PAX7: variants seen among roughly 807,000 people sequenced by gnomAD.
PAX7 encodes the protein paired box 7.
Under a neutral mutation model 50.7 loss-of-function variants are expected in PAX7, and 18 were observed. That is an observed-to-expected ratio of 0.36 (90% CI 0.25 to 0.53). The LOEUF (loss-of-function observed/expected upper bound fraction) is 0.53, where lower values mean the gene tolerates loss of function less well. PAX7 is among the 20% of genes least tolerant of loss of function. The pLI is 0.93. For synonymous variants in PAX7, 310 were observed against 290.4 expected, an observed-to-expected ratio of 1.07 and a Z score of -0.69; for missense variants, 644 against 702.9, an observed-to-expected ratio of 0.92 and a Z score of 0.95.
rs1557566062 is a variant in PAX7, at chr1:18,747,241, GA to G, written c.*2313del. ...CAAAACCACCCAGCCCCATCCCCAG[GA>G]GGCGACATTCCAATGCTAGGACCAA... On this transcript the variant is annotated 3_prime_UTR_variant, in exon 9 of 9. Transcript: ENST00000420770. 4.3e-6 allele frequency: 1 copy of G among 230,508 alleles called. No homozygotes were observed. Among genetic ancestry groups the G allele is most frequent in the African/African-American group, 2.2e-5 (1 of 45,128 alleles). The allele number at this position is 230,508 out of a possible 1,614,324, so 14.3% of individuals were successfully genotyped here.
chr1:18,638,807 C>T (rs922284074), intron 4 of PAX7, among the ~76,000 whole-genome samples: 6 of 152,184 alleles, frequency 3.9e-5, no homozygotes, highest in Admixed American at 2.0e-4. Flanking sequence ...CTGGGCTGGT[C>T]GGCAGGCACC....
rs202083005 is a variant in PAX7, at chr1:18,631,564, A to G, written c.-40A>G. The G allele has an allele frequency of 2.9e-4, 457 of 1,578,628 alleles. 1 individual carries two copies. In the African/African-American group the frequency reaches 5.6e-3, roughly 19 times the overall value. On this transcript the variant is annotated 5_prime_UTR_variant, in exon 1 of 9. Transcript: ENST00000420770. The stretch of plus-strand genomic sequence containing the variant: ...GGGTGAAGGGAGCGGACGGGAAGCG[A>G]TTTTTGCCGACTTTGGATTCGTCCC...
rs776754356 is a variant in PAX7 at position 18,691,909 on chromosome 1, G to A, written c.742G>A (p.Glu248Lys). The A allele has an allele frequency of 1.2e-6, 2 of 1,613,888 alleles. No homozygotes were observed. Among genetic ancestry groups the A allele is most frequent in the Non-Finnish European group, 1.7e-6 (2 of 1,180,008 alleles). The change falls in exon 5 of 9, where the codon GAG becomes AAG. Residue 248 changes from glutamate to lysine, a missense_variant. By Grantham distance (56) the Glu-to-Lys change is moderately conservative (BLOSUM62 1). Coordinates refer to ENST00000420770, the MANE Select transcript of PAX7 (RefSeq NM_001135254.2). ...RTHYPDIYTR[E>K]ELAQRTKLTE... The stretch of plus-strand genomic sequence containing the variant: ...CCACTACCCAGACATATACACCCGC[G>A]AGGAGCTGGCGCAGAGGACCAAGCT...
intron 7 of PAX7, among the ~76,000 whole-genome samples, chr1:18,734,824 G>C (rs1056985672): frequency 3.9e-5 from 6 of 152,192 alleles, no homozygotes; most frequent in Non-Finnish European, 7.4e-5. Flanking sequence ...CCTGGGGCCA[G>C]AGTCACCATC....
At chr1:18,638,006 T>C (rs1048052676) in intron 4 of PAX7, among the ~76,000 whole-genome samples, 1 of 152,168 alleles carries the variant, frequency 6.6e-6, no homozygotes, top group Admixed American at 6.5e-5. Context: ...TCAGTTCCCA[T>C]TGGAAGGAGA....
chr1:18,646,922 C>T (rs2088350551), intron 4 of PAX7, among the ~76,000 whole-genome samples: 2 of 132,194 alleles, frequency 1.5e-5, no homozygotes, highest in African/African-American at 2.9e-5. Flanking sequence ...CGCGCCCGGG[C>T]TATTGACTTA....
At chr1:18,687,069 T>G (rs543697727) in intron 4 of PAX7, among the ~76,000 whole-genome samples, 29 of 151,826 alleles carry the variant, frequency 1.9e-4, no homozygotes, top group African/African-American at 6.3e-4. Flanking sequence ...TTTTGTATTT[T>G]TAGTAGAGAC....
intron 1 of PAX7, among the ~76,000 whole-genome samples, chr1:18,633,349 C>A (rs1446908487): frequency 1.3e-5 from 2 of 152,170 alleles, no homozygotes; most frequent in Non-Finnish European, 2.9e-5. Context: ...GGTGTCCCCC[C>A]AATCTTCTGT....
intron 4 of PAX7, 74 bp from the exon 5 acceptor site, chr1:18,691,680 C>A: frequency 7.2e-7 from 1 of 1,381,744 alleles, no homozygotes; most frequent in African/African-American, 1.4e-5. Context: ...GTGCCTTGTG[C>A]TCTCCTCCCA....
At position 18,693,361 on chromosome 1, in the gene PAX7, C is replaced by G. The variant is rs555621787; in HGVS notation, c.786+1408C>G. ...ACCTTGTCGGGTCAGCGTGGTCACCCCCTGCAAGCCACGGGTGCAGAAACT... is the reference window on the plus strand; with the variant it reads ...ACCTTGTCGGGTCAGCGTGGTCACCGCCTGCAAGCCACGGGTGCAGAAACT... On this transcript the variant is annotated intron_variant, in intron 5 of 8. Transcript: ENST00000420770. Among the ~76,000 whole-genome samples the G allele has an allele frequency of 6.8e-4, 103 of 152,256 alleles. 1 individual carries two copies. The highest frequency in any genetic ancestry group is 2.2e-3 in the African/African-American group (92 of 41,556).
At position 18,735,013 on chromosome 1, in the gene PAX7, CA is replaced by C. The variant is rs924258027; in HGVS notation, c.1156-618del. ...CAGGCAGGGAAGGAGGGGATGCTCA[CA>C]GACCTCAGGAGCTGGTAGAATCAAA... On this transcript the variant is annotated intron_variant, in intron 7 of 8. Coordinates refer to ENST00000420770, the MANE Select transcript of PAX7 (RefSeq NM_001135254.2). This position sits in a 1 kb window ranked among gnomAD's most constrained non-coding sequence, Gnocchi z 4.0. 4.0e-4 allele frequency among the ~76,000 whole-genome samples: 61 copies of C among 152,224 alleles called. No homozygotes were observed. Among genetic ancestry groups the C allele is most frequent in the African/African-American group, 1.2e-3 (51 of 41,462 alleles).
At chr1:18,668,623 G>A (rs1323688053) in intron 4 of PAX7, among the ~76,000 whole-genome samples, 1 of 152,234 alleles carries the variant, frequency 6.6e-6, no homozygotes, top group Non-Finnish European at 1.5e-5. Context: ...AGGATGGCAT[G>A]AGCCTGGGAG....
At chr1:18,736,066 G>A (rs1348787719) in intron 8 of PAX7, 188 bp downstream of exon 8, 1 of 1,130,986 alleles carries the variant, frequency 8.8e-7, no homozygotes, top group East Asian at 2.6e-5. Context: ...GCAAAACCCA[G>A]GACATCTCCT....
chr1:18,734,758 G>A (rs548632624), intron 7 of PAX7, among the ~76,000 whole-genome samples: 2 of 152,118 alleles, frequency 1.3e-5, no homozygotes, highest in Non-Finnish European at 2.9e-5. Flanking sequence ...TCCCCCGACC[G>A]AGGGCAGGGA....
intron 4 of PAX7, among the ~76,000 whole-genome samples, chr1:18,684,127 G>A (rs1035419928): frequency 2.6e-5 from 4 of 152,228 alleles, no homozygotes; most frequent in African/African-American, 4.8e-5. Context: ...ATGGGCAGAG[G>A]GCACAGCCTT....
At chr1:18,727,261 C>T (rs2089583911) in intron 7 of PAX7, among the ~76,000 whole-genome samples, 1 of 133,012 alleles carries the variant, frequency 7.5e-6, no homozygotes, top group African/African-American at 2.9e-5. Context: ...ACAACACACA[C>T]ACACAGTACT....
In PAX7 at chr1:18,747,342, G is replaced by A. The variant is rs952968408; in HGVS notation, c.*2413G>A. ...AATAAACCAAATGATTTCTCATGACGTTGAACATAAGTTCTCCCAAGCCAT... is the reference window on the plus strand; with the variant it reads ...AATAAACCAAATGATTTCTCATGACATTGAACATAAGTTCTCCCAAGCCAT... On this transcript the variant is annotated 3_prime_UTR_variant, in exon 9 of 9. Transcript: ENST00000420770. The A allele has an allele frequency of 1.3e-5, 3 of 228,760 alleles. No individual in the cohort carries two copies. The highest frequency in any genetic ancestry group is 1.2e-4 in the East Asian group (2 of 16,074). 14.2% of individuals were successfully genotyped at this position (228,760 alleles called of 1,614,324 possible).
intron 7 of PAX7, among the ~76,000 whole-genome samples, chr1:18,720,655 T>G (rs1570224956): frequency 6.7e-6 from 1 of 150,198 alleles, no homozygotes; most frequent in African/African-American, 2.5e-5. Flanking sequence ...GGGAGGTGGG[T>G]GTGGATGGAC....
chr1:18,736,152 G>A (rs2089710444), intron 8 of PAX7: 1 of 625,972 alleles, frequency 1.6e-6, no homozygotes, highest in Admixed American at 2.9e-5. Context: ...AACATTTCTA[G>A]TGGCCACATT....
Sources: allele counts gnomAD v4.1 joint callset (sites outside exome capture counted in the v4.1 genomes callset), GRCh38; gene constraint gnomAD v4.1.1; non-coding constraint Gnocchi (gnomAD v3.1); transcripts MANE v1.5; gene names NCBI Gene and HGNC (gene_info 2026-07-23, HGNC 2026-07-21).